SEM1: variants seen among roughly 807,000 people sequenced by gnomAD.
SEM1 encodes SEM1 26S proteasome subunit.
SEM1 carries 3 observed loss-of-function variants against 12.7 expected under a neutral mutation model. The observed-to-expected ratio is 0.24, with a 90% CI of 0.11 to 0.61. The LOEUF (loss-of-function observed/expected upper bound fraction) is 0.61, where lower values mean the gene tolerates loss of function less well. SEM1 is among the 20% of genes least tolerant of loss of function. SEM1 has a pLI of 0.88. For synonymous variants in SEM1, 30 were observed against 27.8 expected, an observed-to-expected ratio of 1.08 and a Z score of -0.25; for missense variants, 59 against 81.3, an observed-to-expected ratio of 0.73 and a Z score of 1.06.
chr7:96,675,368 G>A (rs1789424432), intron 2 of SEM1, among the ~76,000 whole-genome samples: 1 of 152,066 alleles, frequency 6.6e-6, no homozygotes, highest in Admixed American at 6.6e-5. Flanking sequence ...ATAGAGAAAA[G>A]GACATGCACT....
intron 2 of SEM1, among the ~76,000 whole-genome samples, chr7:96,667,622 G>T (rs1789204734): frequency 6.6e-6 from 1 of 152,052 alleles, no homozygotes; most frequent in Non-Finnish European, 1.5e-5. Context: ...TTTTCTCTAG[G>T]GTTACTGAGC....
At chr7:96,674,666 CAAAAT>C (rs971462637) in intron 2 of SEM1, among the ~76,000 whole-genome samples, 1 of 151,846 alleles carries the variant, frequency 6.6e-6, no homozygotes, top group African/African-American at 2.4e-5. Context: ...GACCCTGTCT[CAAAAT>C]AAAAAGTAAT....
intron 2 of SEM1, among the ~76,000 whole-genome samples, chr7:96,564,160 TTATTA>T (rs1273495207): frequency 2.0e-5 from 3 of 152,104 alleles, no homozygotes; most frequent in Admixed American, 2.0e-4. Flanking sequence ...TAGAAGTTAT[TTATTA>T]TATTCTATTT....
At chr7:96,484,661 T>A (rs1438127770) in intron 3 of SEM1, among the ~76,000 whole-genome samples, 1 of 152,186 alleles carries the variant, frequency 6.6e-6, no homozygotes, top group African/African-American at 2.4e-5. Context: ...GAAGCCAGCA[T>A]GGAATTGACA....
At chr7:96,515,170 A>G (rs994241582) in intron 2 of SEM1, among the ~76,000 whole-genome samples, 7 of 152,174 alleles carry the variant, frequency 4.6e-5, no homozygotes, top group Admixed American at 2.0e-4. Flanking sequence ...ATGGTGCCAG[A>G]ACAACCGGAT....
intron 1 of SEM1, among the ~76,000 whole-genome samples, chr7:96,708,922 C>A (rs1377865125): frequency 6.6e-6 from 1 of 150,438 alleles, no homozygotes; most frequent in African/African-American, 2.4e-5. Context: ...AATGAAAAAA[C>A]CAGGTCTTTA....
chr7:96,703,658 T>G (rs1790342029), intron 1 of SEM1, among the ~76,000 whole-genome samples: 1 of 152,004 alleles, frequency 6.6e-6, no homozygotes. Context: ...ATTTTTTTTT[T>G]TTCTTTTAAA....
intron 2 of SEM1, among the ~76,000 whole-genome samples, chr7:96,653,112 T>C (rs952827476): frequency 1.3e-5 from 2 of 152,142 alleles, no homozygotes; most frequent in East Asian, 1.9e-4. Context: ...GAGATGTAAA[T>C]AGTCATTTGA....
intron 2 of SEM1, among the ~76,000 whole-genome samples, chr7:96,596,464 C>T (rs1373887466): frequency 6.6e-6 from 1 of 152,160 alleles, no homozygotes; most frequent in Non-Finnish European, 1.5e-5. Context: ...GCTTATGAGG[C>T]ACACAGCACC....
At chr7:96,546,537 A>G (rs986794104) in intron 2 of SEM1, among the ~76,000 whole-genome samples, 1 of 152,120 alleles carries the variant, frequency 6.6e-6, no homozygotes, top group African/African-American at 2.4e-5. Context: ...AGTTCTCACA[A>G]GTATTTCTGG....
intron 2 of SEM1, among the ~76,000 whole-genome samples, chr7:96,523,004 T>C (rs928223251): frequency 4.6e-5 from 7 of 152,064 alleles, no homozygotes; most frequent in Non-Finnish European, 8.8e-5. Context: ...GCCAATAGGC[T>C]GCTTCTGCTT....
At chr7:96,620,403 C>T (rs1807854917), downstream of SEM1, among the ~76,000 whole-genome samples, 1 of 152,196 alleles carries the variant, frequency 6.6e-6, no homozygotes. Context: ...AGTAGCTAGA[C>T]TCTCAGAATG....
intron 1 of SEM1, among the ~76,000 whole-genome samples, chr7:96,492,000 G>A (rs1311809030): frequency 2.6e-5 from 4 of 151,960 alleles, no homozygotes; most frequent in African/African-American, 9.7e-5. Context: ...CTTGTTTCTT[G>A]GAAGCACTTC....
intron 2 of SEM1, among the ~76,000 whole-genome samples, chr7:96,647,889 A>T (rs979719012): frequency 2.6e-5 from 4 of 152,220 alleles, no homozygotes; most frequent in African/African-American, 9.6e-5. Context: ...CGCTAAATGA[A>T]GTTTGCTCTC....
At chr7:96,505,024 G>C (rs1803704723) in intron 3 of SEM1, among the ~76,000 whole-genome samples, 1 of 151,864 alleles carries the variant, frequency 6.6e-6, no homozygotes, top group African/African-American at 2.4e-5. Flanking sequence ...AGCTTTCTTG[G>C]ATTTAAGTTT....
At position 96,648,560 on chromosome 7, in the gene SEM1, T is replaced by C. The variant is rs116174909; in HGVS notation, c.171-25917A>G. ...GCACAACCATAGAAACTGTGGCATA[T>C]AGAAATCGCTATATATTTTTTGCCC... On this transcript the variant is annotated intron_variant, in intron 2 of 2. Transcript: ENST00000417009. Among the ~76,000 whole-genome samples the C allele has an allele frequency of 7.3e-3, 1,118 of 152,322 alleles. 16 individuals carry two copies. The highest frequency in any genetic ancestry group is 0.026 in the African/African-American group (1,066 of 41,572).
At chr7:96,581,103 G>A (rs1319414207) in intron 2 of SEM1, among the ~76,000 whole-genome samples, 4 of 152,134 alleles carry the variant, frequency 2.6e-5, no homozygotes, top group Non-Finnish European at 4.4e-5. Flanking sequence ...ATGGTTTTAG[G>A]TCTAACGTTT....
rs1048325821 is a variant in SEM1, at chr7:96,487,300, A to G, written c.13-883T>C. Among the ~76,000 whole-genome samples the G allele has an allele frequency of 1.4e-4, 21 of 150,202 alleles. 3 individuals carry two copies. Among genetic ancestry groups the G allele is most frequent in the African/African-American group, 5.1e-4 (20 of 39,518 alleles). Reference sequence around the variant, plus strand: ...AAATTTTAAAATAAATATTAGTAACAATGCCATGCTATACTATGAGTCTGA... The same window carrying G: ...AAATTTTAAAATAAATATTAGTAACGATGCCATGCTATACTATGAGTCTGA... On this transcript the variant is annotated intron_variant, in intron 1 of 3. Transcript: ENST00000356686.
At chr7:96,635,585 G>A (rs1219660414) in intron 2 of SEM1, among the ~76,000 whole-genome samples, 3 of 152,116 alleles carry the variant, frequency 2.0e-5, no homozygotes, top group African/African-American at 7.2e-5. Flanking sequence ...GTAGTTCAGG[G>A]AAGGGGTAGT....
Sources: allele counts gnomAD v4.1 joint callset (sites outside exome capture counted in the v4.1 genomes callset), GRCh38; gene constraint gnomAD v4.1.1; transcripts MANE v1.5; gene names NCBI Gene and HGNC (gene_info 2026-07-23, HGNC 2026-07-21).